Variants in PKP4 observed in about 807,000 individuals in gnomAD.
PKP4 encodes plakophilin 4, also known as plakophilin-4.
Under a neutral mutation model 145.1 loss-of-function variants are expected in PKP4, and 90 were observed. The observed-to-expected ratio is 0.62, with a 90% CI of 0.52 to 0.74. The LOEUF (loss-of-function observed/expected upper bound fraction) is 0.74, where lower values mean the gene tolerates loss of function less well. Ranked by LOEUF, PKP4 falls within the 30% of genes least tolerant of loss-of-function variation. The pLI is 0.00. For missense variants in PKP4, 1,340 were observed against 1,482.7 expected, an observed-to-expected ratio of 0.90 and a Z score of 1.58; for synonymous variants, 563 against 577.2, an observed-to-expected ratio of 0.98 and a Z score of 0.35.
At chr2:158,545,582 A>T (rs1037293718) in intron 2 of PKP4, among the ~76,000 whole-genome samples, 1 of 152,148 alleles carries the variant, frequency 6.6e-6, no homozygotes, top group African/African-American at 2.4e-5. Context: ...TACTTATTTA[A>T]ACCTGTTTCT....
intron 1 of PKP4, among the ~76,000 whole-genome samples, chr2:158,521,256 A>G (rs926151964): frequency 3.9e-5 from 6 of 152,158 alleles, no homozygotes; most frequent in African/African-American, 1.4e-4. Flanking sequence ...CTGTTTTGCC[A>G]TTCTGGTGCT....
intron 1 of PKP4, among the ~76,000 whole-genome samples, chr2:158,490,832 T>C (rs1694832877): frequency 6.6e-6 from 1 of 152,168 alleles, no homozygotes; most frequent in Admixed American, 6.5e-5. Context: ...TAGTTGGATG[T>C]TAGGGAGGGT....
At chr2:158,603,577 T>C (rs1399278119) in intron 4 of PKP4, among the ~76,000 whole-genome samples, 1 of 152,192 alleles carries the variant, frequency 6.6e-6, no homozygotes. Context: ...CTTTTCTTTT[T>C]AACCTAAATT....
intron 15 of PKP4, 80 bp from the exon 16 acceptor site, chr2:158,666,332 GA>G (rs932587527): frequency 8.3e-7 from 1 of 1,209,404 alleles, no homozygotes; most frequent in African/African-American, 1.6e-5. Context: ...TCATCTTTTG[GA>G]AACATCTTTT....
intron 11 of PKP4, among the ~76,000 whole-genome samples, chr2:158,651,552 C>A (rs2055365142): frequency 6.6e-6 from 1 of 152,078 alleles, no homozygotes; most frequent in Admixed American, 6.6e-5. Context: ...GCCGTCACCT[C>A]TTCTGCTTCT....
Position 158,666,490 on chromosome 2 carries a change from C to G in PKP4, c.2655C>G (p.Asn885Lys). The change falls in exon 16 of 22, where the codon AAC becomes AAG. Residue 885 changes from asparagine to lysine, a missense_variant. Physicochemically the swap from Asn to Lys is moderately conservative, Grantham distance 94 (BLOSUM62 0). Transcript: ENST00000389759. ...PILVELLRMD[N>K]DRVVSSVATA... ...TTGTGGAGCTTCTGAGAATGGATAA[C>G]GATAGAGTTGTTTCTTCCGTGGCAA... 6.2e-7 allele frequency: 1 copy of G among 1,613,480 alleles called. No individual in the cohort carries two copies. The highest frequency in any genetic ancestry group is 8.5e-7 in the Non-Finnish European group (1 of 1,179,688).
intron 4 of PKP4, among the ~76,000 whole-genome samples, chr2:158,611,427 T>C (rs1490076619): frequency 6.6e-6 from 1 of 152,226 alleles, no homozygotes; most frequent in Non-Finnish European, 1.5e-5. Context: ...AGATACAAGT[T>C]TCTTCCACTG....
In PKP4 at chr2:158,513,790, A is replaced by G. The variant is rs947012292; in HGVS notation, c.-5-19390A>G. The stretch of plus-strand genomic sequence containing the variant: ...ATCCATGTCTTTATTTGCACTTACT[A>G]TTGTTCCTTCGTCTTCTCATCTCCA... On this transcript the variant is annotated intron_variant, in intron 1 of 21. Coordinates refer to ENST00000389759, the MANE Select transcript of PKP4 (RefSeq NM_003628.6). Among the ~76,000 whole-genome samples the G allele has an allele frequency of 2.6e-5, 4 of 151,994 alleles. No homozygotes were observed. The South Asian group carries it at 6.2e-4, about 24-fold the overall frequency.
intron 3 of PKP4, among the ~76,000 whole-genome samples, chr2:158,601,962 A>G (rs1410164683): frequency 6.6e-6 from 1 of 152,030 alleles, no homozygotes; most frequent in Non-Finnish European, 1.5e-5. Flanking sequence ...CCAGAGTCAC[A>G]CTCCTTTTTC....
Position 158,626,990 on chromosome 2 carries a change from T to C in PKP4, c.1153+1563T>C, listed in dbSNP as rs542506102. On this transcript the variant is annotated intron_variant, in intron 7 of 21. Coordinates refer to ENST00000389759, the MANE Select transcript of PKP4 (RefSeq NM_003628.6). ...TCTTACATAGTAAAATTAGTATCTT[T>C]TTTATGTCTTCTAAGAAAATTTAAG... is the stretch of plus-strand genomic sequence containing the variant. Among the ~76,000 whole-genome samples, 8 of 152,312 alleles carry C rather than the reference T, an allele frequency of 5.3e-5. No individual in the cohort carries two copies. The East Asian group carries it at 9.6e-4, about 18-fold the overall frequency.
At chr2:158,590,436 A>T (rs2049172880) in intron 3 of PKP4, among the ~76,000 whole-genome samples, 2 of 147,604 alleles carry the variant, frequency 1.4e-5, no homozygotes, top group Admixed American at 1.4e-4. Context: ...TATGATGTGT[A>T]GTCTTTGCTT....
At chr2:158,519,842 T>TTAC (rs1336544113) in intron 1 of PKP4, among the ~76,000 whole-genome samples, 4 of 152,200 alleles carry the variant, frequency 2.6e-5, no homozygotes, top group African/African-American at 9.7e-5. Context: ...AGAGTTTTAA[T>TTAC]TACATTCTTA....
chr2:158,671,878 G>A (rs1339330876), intron 17 of PKP4, among the ~76,000 whole-genome samples: 1 of 152,262 alleles, frequency 6.6e-6, no homozygotes, highest in Non-Finnish European at 1.5e-5. Context: ...TGCAGAGACA[G>A]TGCCTTTTGA....
At chr2:158,657,451 A>G (rs966371028) in intron 11 of PKP4, among the ~76,000 whole-genome samples, 2 of 152,232 alleles carry the variant, frequency 1.3e-5, no homozygotes, top group East Asian at 1.9e-4. Context: ...AGTTTCACCT[A>G]TTTCCAAAAA....
chr2:158,644,684 A>G (rs1450260918), intron 11 of PKP4, among the ~76,000 whole-genome samples: 1 of 152,250 alleles, frequency 6.6e-6, no homozygotes, highest in Non-Finnish European at 1.5e-5. Flanking sequence ...GGATATATGC[A>G]CATGCAATAA....
chr2:158,465,595 G>T (rs899053027), intron 1 of PKP4, among the ~76,000 whole-genome samples: 3 of 151,900 alleles, frequency 2.0e-5, no homozygotes, highest in African/African-American at 7.3e-5. Context: ...TATGTAATTT[G>T]TGTGCCTTTA....
intron 9 of PKP4, among the ~76,000 whole-genome samples, chr2:158,636,667 A>AT (rs1179440962): frequency 5.3e-5 from 8 of 151,924 alleles, no homozygotes; most frequent in Admixed American, 3.9e-4. Context: ...TCACTTTATT[A>AT]TTTTGCAGAT....
At chr2:158,517,962 A>C (rs1355370997) in intron 1 of PKP4, among the ~76,000 whole-genome samples, 2 of 152,206 alleles carry the variant, frequency 1.3e-5, no homozygotes, top group Non-Finnish European at 2.9e-5. Context: ...ATCAGATATT[A>C]TACTGAAAAA....
intron 2 of PKP4, among the ~76,000 whole-genome samples, chr2:158,574,472 A>G (rs1211240905): frequency 6.6e-6 from 1 of 152,204 alleles, no homozygotes; most frequent in Non-Finnish European, 1.5e-5. Context: ...ATGTGTTTTC[A>G]TATGACAGCA....
Sources: allele counts gnomAD v4.1 joint callset (sites outside exome capture counted in the v4.1 genomes callset), GRCh38; gene constraint gnomAD v4.1.1; transcripts MANE v1.5; gene names NCBI Gene and HGNC (gene_info 2026-07-23, HGNC 2026-07-21).